ZNF318: variants seen among roughly 807,000 people sequenced by gnomAD.
ZNF318 encodes the protein endocrine regulator.
ZNF318 carries 51 observed loss-of-function variants against 124.2 expected under a neutral mutation model. The observed-to-expected ratio is 0.41, with a 90% CI of 0.33 to 0.52. The LOEUF is 0.52. Among genes scored for constraint, ZNF318 ranks in the 20% least tolerant of loss-of-function variants. ZNF318 has a pLI of 0.23. For synonymous variants in ZNF318, 1,090 were observed against 1,040.7 expected, an observed-to-expected ratio of 1.05 and a Z score of -0.91; for missense variants, 2,815 against 2,811.2, an observed-to-expected ratio of 1.00 and a Z score of -0.03.
intron 2 of ZNF318, among the ~76,000 whole-genome samples, chr6:43,360,555 T>C (rs1413551456): frequency 6.6e-6 from 1 of 152,236 alleles, no homozygotes; most frequent in Non-Finnish European, 1.5e-5. Flanking sequence ...CACTGTACTA[T>C]TCTACATTTT....
Position 43,369,252 on chromosome 6 carries a change from G to A in ZNF318, c.114C>T (p.Arg38=). Residue 38 remains arginine, a synonymous_variant, in exon 1 of 10, where the codon CGC becomes CGT. Coordinates refer to ENST00000361428, the MANE Select transcript of ZNF318 (RefSeq NM_014345.3). ...SSGSSSGPAR[R]SSPPPPPSGS... ...CGGAGGGCGGAGGCGGCGGTGAGCT[G>A]CGGCGAGCCGGGCCTGAGGAGGAGC... 1 of 1,259,762 alleles carries A rather than the reference G, an allele frequency of 7.9e-7. No homozygotes were observed. Among genetic ancestry groups the A allele is most frequent in the African/African-American group, 1.6e-5 (1 of 63,486 alleles). 78.0% of individuals were successfully genotyped at this position (1,259,762 alleles called of 1,614,324 possible).
chr6:43,369,593 C>CCA lies in ZNF318; in HGVS notation c.-229_-228insTG. 6.4e-6 allele frequency: 1 copy of CCA among 157,368 alleles called. No homozygotes were observed. Among genetic ancestry groups the CCA allele is most frequent in the African/African-American group, 2.4e-5 (1 of 41,578 alleles). The allele number at this position is 157,368 out of a possible 1,614,324, so 9.7% of individuals were successfully genotyped here. On this transcript the variant is annotated 5_prime_UTR_variant, in exon 1 of 10. Coordinates refer to ENST00000361428, the MANE Select transcript of ZNF318 (RefSeq NM_014345.3). ...GCGAGCACGCGTCCGACACACCCCCCCCCGCCTCCGGGGTTCCCCGCTCCT... is the reference window on the plus strand; with the variant it reads ...GCGAGCACGCGTCCGACACACCCCCCCACCCGCCTCCGGGGTTCCCCGCTCCT...
chr6:43,366,893 C>G (rs1779769216), intron 1 of ZNF318, among the ~76,000 whole-genome samples: 1 of 152,066 alleles, frequency 6.6e-6, no homozygotes, highest in Non-Finnish European at 1.5e-5. Flanking sequence ...TCTGTCGTCC[C>G]CAGCCTGGAG....
intron 5 of ZNF318, 119 bp downstream of exon 5, chr6:43,352,258 A>ATTCTTTGCACTATTATTGCAACT: frequency 1.3e-6 from 1 of 742,334 alleles, no homozygotes. Flanking sequence ...TGTAAGTTTA[A>ATTCTTTGCACTATTATTGCAACT]TTACGTCAAA....
intron 8 of ZNF318, among the ~76,000 whole-genome samples, chr6:43,341,835 A>G (rs1581639726): frequency 6.6e-6 from 1 of 152,232 alleles, no homozygotes; most frequent in Non-Finnish European, 1.5e-5. Context: ...TTTTGGGCCC[A>G]TAAGCCAATG....
intron 2 of ZNF318, chr6:43,363,406 T>C (rs1237846067): frequency 2.4e-5 from 4 of 167,534 alleles, no homozygotes; most frequent in Non-Finnish European, 5.1e-5. Context: ...ATAAGACTAT[T>C]TTGCCTTGCT....
intron 9 of ZNF318, 74 bp downstream of exon 9, chr6:43,340,716 G>C (rs989017991): frequency 6.5e-7 from 1 of 1,534,992 alleles, no homozygotes; most frequent in Non-Finnish European, 9.0e-7. Flanking sequence ...TTTCTGGCTC[G>C]GACGCCATTT....
Position 43,355,934 on chromosome 6 carries a change from C to T in ZNF318, c.1400G>A (p.Arg467Lys). Residue 467 changes from arginine (R) to lysine (K), a missense_variant, in exon 4 of 10, where the codon AGA becomes AAA. Arg to Lys is a conservative substitution (Grantham distance 26). This residue lies in a region of ZNF318 where 1,377 missense variants were observed against 1,353.5 expected (regional missense o/e 1.02). Coordinates refer to ENST00000361428, the MANE Select transcript of ZNF318 (RefSeq NM_014345.3). ...GCATAGAAAACTTCCAAATTTTTCTCTGAGAGGACTGTTGTCTTTGGGAAT... is the reference window on the plus strand; with the variant it reads ...GCATAGAAAACTTCCAAATTTTTCTTTGAGAGGACTGTTGTCTTTGGGAAT... ...PGIPKDNSPL[R>K]EKFGSFLCHK... 1 of 1,614,206 alleles carries T rather than the reference C, an allele frequency of 6.2e-7. No homozygotes were observed. Among genetic ancestry groups the T allele is most frequent in the Non-Finnish European group, 8.5e-7 (1 of 1,180,046 alleles).
chr6:43,337,146 A>T lies in ZNF318; in HGVS notation c.*12T>A. 1 of 1,550,156 alleles carries T rather than the reference A, an allele frequency of 6.5e-7. No individual in the cohort carries two copies. Among genetic ancestry groups the T allele is most frequent in the Non-Finnish European group, 8.7e-7 (1 of 1,149,552 alleles). On this transcript the variant is annotated 3_prime_UTR_variant, in exon 10 of 10. Transcript: ENST00000361428. ...CAATGATTCACTCACAAGTAGCTCT[A>T]GGTATTTATTCTTAGTTGTGAACAC...
At position 43,336,941 on chromosome 6, in the gene ZNF318, A is replaced by T; in HGVS notation, c.*217T>A. 2 of 257,930 alleles carry T rather than the reference A, an allele frequency of 7.8e-6. No homozygotes were observed. The highest frequency in any genetic ancestry group is 5.2e-5 in the Admixed American group (1 of 19,404). 16.0% of individuals were successfully genotyped at this position (257,930 alleles called of 1,614,324 possible). A position where few individuals can be genotyped will look rare whatever the true frequency, so the allele number is the denominator to read the frequency against. Reference sequence around the variant, plus strand: ...AATACATTTTTACAGATATATATATATATATATAAGTTGTTATCGATTTGT... The same window carrying T: ...AATACATTTTTACAGATATATATATTTATATATAAGTTGTTATCGATTTGT... On this transcript the variant is annotated 3_prime_UTR_variant, in exon 10 of 10. Transcript: ENST00000361428.
intron 5 of ZNF318, among the ~76,000 whole-genome samples, chr6:43,351,407 T>C (rs1779522704): frequency 6.6e-6 from 1 of 152,182 alleles, no homozygotes; most frequent in Non-Finnish European, 1.5e-5. Flanking sequence ...CCTTCTTTGT[T>C]GTTAGGAAAT....
Position 43,339,478 on chromosome 6 carries a change from G to A in ZNF318, c.4520C>T (p.Ser1507Leu), listed in dbSNP as rs749176670. Reference protein sequence around the residue: ...NPVLPVAIMASAQPAAIPSDE... With the variant: ...NPVLPVAIMALAQPAAIPSDE... Reference sequence around the variant, plus strand: ...AGAAGGAATGGCAGCTGGCTGTGCTGAGGCCATGATGGCTACAGGCAACAC... The same window carrying A: ...AGAAGGAATGGCAGCTGGCTGTGCTAAGGCCATGATGGCTACAGGCAACAC... The change falls in exon 10 of 10, where the codon TCA becomes TTA. Residue 1507 changes from serine (S) to leucine (L), a missense_variant. Physicochemically the swap from Ser to Leu is moderately radical, Grantham distance 145 (BLOSUM62 -2). Coordinates refer to ENST00000361428, the MANE Select transcript of ZNF318 (RefSeq NM_014345.3). The surrounding 1 kb of genome is among the most constrained non-coding windows in gnomAD (Gnocchi z 4.2). 1 of 1,614,130 alleles carries A rather than the reference G, an allele frequency of 6.2e-7. No homozygotes were observed.
At chr6:43,345,918 T>C (rs1779432687) in intron 6 of ZNF318, among the ~76,000 whole-genome samples, 1 of 151,822 alleles carries the variant, frequency 6.6e-6, no homozygotes, top group African/African-American at 2.4e-5. Context: ...AACACCAGCC[T>C]GGGGACGGGC....
At chr6:43,348,193 G>T (rs1436761870) in intron 6 of ZNF318, 131 bp downstream of exon 6, 3 of 932,982 alleles carry the variant, frequency 3.2e-6, no homozygotes, top group African/African-American at 3.3e-5. Context: ...ACCACACTCT[G>T]ATCTATACTG....
In ZNF318 at chr6:43,339,664, G is replaced by A; in HGVS notation, c.4334C>T (p.Pro1445Leu). Residue 1445 changes from proline (P) to leucine (L), a missense_variant, in exon 10 of 10, where the codon CCA (proline) becomes CTA (leucine). Physicochemically the swap from Pro to Leu is moderately conservative, Grantham distance 98. This residue lies in a region of ZNF318 where 500 missense variants were observed against 605.2 expected (regional missense o/e 0.83). Coordinates refer to ENST00000361428, the MANE Select transcript of ZNF318 (RefSeq NM_014345.3). The surrounding 1 kb of genome is among the most constrained non-coding windows in gnomAD (Gnocchi z 4.2). The stretch of plus-strand genomic sequence containing the variant: ...TGGAGGTGGTGGAGGTGGGGGTGGT[G>A]GAGGAGGTGGTAGTATTTGTTCAGG... ...HLPEQILPPPPPPPPPPPPPP... is the reference protein window; with the variant it reads ...HLPEQILPPPLPPPPPPPPPP... The A allele has an allele frequency of 6.2e-7, 1 of 1,612,666 alleles. No individual in the cohort carries two copies. Among genetic ancestry groups the A allele is most frequent in the South Asian group, 1.1e-5 (1 of 90,988 alleles).
At chr6:43,346,443 T>C (rs750020220) in intron 6 of ZNF318, among the ~76,000 whole-genome samples, 1 of 147,608 alleles carries the variant, frequency 6.8e-6, no homozygotes, top group Non-Finnish European at 1.5e-5. Flanking sequence ...ATTGCGCCAC[T>C]GCACTCCAGT....
chr6:43,347,524 G>C (rs774458554), intron 6 of ZNF318, among the ~76,000 whole-genome samples: 3 of 152,112 alleles, frequency 2.0e-5, no homozygotes, highest in Non-Finnish European at 4.4e-5. Context: ...GAAAACTGTC[G>C]GACAGTATGC....
intron 6 of ZNF318, among the ~76,000 whole-genome samples, chr6:43,344,082 G>T (rs1779408312): frequency 6.6e-6 from 1 of 152,144 alleles, no homozygotes; most frequent in Non-Finnish European, 1.5e-5. Context: ...AAGATGAAGA[G>T]CTGGGTACCT....
Position 43,339,541 on chromosome 6 carries a change from A to G in ZNF318, c.4457T>C (p.Leu1486Pro). Residue 1486 changes from leucine to proline, a missense_variant, in exon 10 of 10, where the codon CTC becomes CCC. Leu to Pro is a moderately conservative substitution (Grantham distance 98). Transcript: ENST00000361428. This position sits in a 1 kb window ranked among gnomAD's most constrained non-coding sequence, Gnocchi z 4.2. ...VKSNPVVSQTLSPGFVGPNIL... is the reference protein window; with the variant it reads ...VKSNPVVSQTPSPGFVGPNIL... ...GTTAGGACCCACGAAGCCAGGGCTG[A>G]GAGTCTGAGATACAACTGGGTTTGA... 6.2e-7 allele frequency: 1 copy of G among 1,613,798 alleles called. No homozygotes were observed. The highest frequency in any genetic ancestry group is 8.5e-7 in the Non-Finnish European group (1 of 1,179,978).
Sources: allele counts gnomAD v4.1 joint callset (sites outside exome capture counted in the v4.1 genomes callset), GRCh38; gene constraint gnomAD v4.1.1; regional missense constraint gnomAD v4.1.1; non-coding constraint Gnocchi (gnomAD v3.1); transcripts MANE v1.5; gene names NCBI Gene and HGNC (gene_info 2026-07-23, HGNC 2026-07-21).